TSPAN17: variants seen among roughly 807,000 people sequenced by gnomAD.
TSPAN17 encodes tetraspanin-17.
A neutral mutation model predicts 40.5 loss-of-function variants in TSPAN17; 33 were observed. The observed-to-expected ratio is 0.81, with a 90% confidence interval of 0.62 to 1.09. TSPAN17 has a LOEUF of 1.09. Ranked by LOEUF, TSPAN17 falls within the 50% of genes least tolerant of loss-of-function variation. TSPAN17 has a pLI of 0.00. For synonymous variants in TSPAN17, 166 were observed against 169.4 expected (o/e 0.98, Z 0.15); for missense variants, 365 against 416.8 (o/e 0.88, Z 1.08).
chr5:176,655,434 G>A (rs935059037), intron 5 of TSPAN17, among the ~76,000 whole-genome samples: 3 of 152,200 alleles, frequency 2.0e-5, no homozygotes, highest in African/African-American at 7.2e-5. Flanking sequence ...CCGTTGCAGG[G>A]TAGCAGGGAG....
At chr5:176,655,091 G>A (rs1581197617) in intron 5 of TSPAN17, 71 bp downstream of exon 5, 6 of 1,518,334 alleles carry the variant, frequency 4.0e-6, no homozygotes, top group Non-Finnish European at 5.3e-6. Context: ...CTCCCACAGG[G>A]CCCCGCTCCG....
In TSPAN17 at chr5:176,651,945, C is replaced by T. The variant is rs1374867072; in HGVS notation, c.285+45C>T. The stretch of plus-strand genomic sequence containing the variant: ...TCCCCTGGGAACCCCCATCTCCTCC[C>T]ATCCAGTTCTTGCAATACAGTTGGA... On this transcript the variant is annotated intron_variant, in intron 3 of 8. Coordinates refer to ENST00000508164, the MANE Select transcript of TSPAN17 (RefSeq NM_130465.5). This position sits in a 1 kb window ranked among gnomAD's most constrained non-coding sequence, Gnocchi z 4.5. 1 of 1,609,592 alleles carries T rather than the reference C, an allele frequency of 6.2e-7. No individual in the cohort carries two copies. The highest frequency in any genetic ancestry group is 1.7e-5 in the Admixed American group (1 of 59,856).
chr5:176,654,906 C>T lies in TSPAN17; in HGVS notation c.468C>T (p.Cys156=), dbSNP rs11267007. 388,048 of 1,613,100 alleles carry T rather than the reference C, an allele frequency of 0.24. 49,706 individuals are homozygous for T. The highest frequency in any genetic ancestry group is 0.43 in the East Asian group (19,250 of 44,810). ...IDFAQEYWSC[C]GARGPNDWNL... ...CCCTGCCCCCACAGTGGTCTTGCTG[C>T]GGAGCCCGAGGCCCCAATGACTGGA... Residue 156 remains cysteine (C), a synonymous_variant, in exon 5 of 9, where the codon TGC becomes TGT. Coordinates refer to ENST00000508164, the MANE Select transcript of TSPAN17 (RefSeq NM_130465.5). This position sits in a 1 kb window ranked among gnomAD's most constrained non-coding sequence, Gnocchi z 4.3.
In TSPAN17 at chr5:176,651,130, G is replaced by T. The variant is rs770533266; in HGVS notation, c.88-486G>T. Among the ~76,000 whole-genome samples the T allele has an allele frequency of 6.6e-6, 1 of 152,178 alleles. No homozygotes were observed. The highest frequency in any genetic ancestry group is 2.4e-5 in the African/African-American group (1 of 41,440). ...GACTCTGGCAGGCGGAGGTTAAAGG[G>T]GTAGGATGGGGCTGGGCTGGGGAGG... On this transcript the variant is annotated intron_variant, in intron 1 of 8. Transcript: ENST00000508164. The surrounding 1 kb of genome is among the most constrained non-coding windows in gnomAD (Gnocchi z 4.5).
intron 8 of TSPAN17, chr5:176,657,246 G>T (rs1441743556): frequency 4.7e-6 from 3 of 642,434 alleles, no homozygotes; most frequent in African/African-American, 3.7e-5. Context: ...CTCTCCAGGG[G>T]ACTAGGAAGG....
chr5:176,647,806 T>C, intron 1 of TSPAN17, 104 bp downstream of exon 1: 1 of 1,127,190 alleles, frequency 8.9e-7, no homozygotes, highest in Non-Finnish European at 1.2e-6. Flanking sequence ...AGTTTGGAGC[T>C]CGGGACCATC....
At position 176,656,079 on chromosome 5, in the gene TSPAN17, A is replaced by G; in HGVS notation, c.584A>G (p.Glu195Gly). ...ACTAACTGGCCTGTCTCCCCTCAGG[A>G]GGATGTCCTCAACACCCAGTGTGGC... ...PFSCCVRDPA[E>G]DVLNTQCGYD... Residue 195 changes from glutamate (E) to glycine (G), a missense_variant and splice_region_variant, in exon 6 of 9, where the codon GAG (glutamate) becomes GGG (glycine). Transcript: ENST00000508164. 1 of 1,614,076 alleles carries G rather than the reference A, an allele frequency of 6.2e-7. No homozygotes were observed. Among genetic ancestry groups the G allele is most frequent in the Non-Finnish European group, 8.5e-7 (1 of 1,179,992 alleles).
intron 3 of TSPAN17, 113 bp downstream of exon 3, chr5:176,652,013 C>T (rs987638025): frequency 5.0e-6 from 7 of 1,406,580 alleles, no homozygotes; most frequent in East Asian, 4.6e-5. Context: ...TAATCGTCAT[C>T]GTTAGATTCA....
chr5:176,651,520 C>G lies in TSPAN17; in HGVS notation c.88-96C>G, dbSNP rs748394834. The G allele has an allele frequency of 7.2e-4, 981 of 1,364,292 alleles. 2 individuals are homozygous for G. The highest frequency in any genetic ancestry group is 9.3e-4 in the Non-Finnish European group (941 of 1,011,610). The allele number at this position is 1,364,292 out of a possible 1,614,324, so 84.5% of individuals were successfully genotyped here. On this transcript the variant is annotated intron_variant, in intron 1 of 8. Coordinates refer to ENST00000508164, the MANE Select transcript of TSPAN17 (RefSeq NM_130465.5). This position sits in a 1 kb window ranked among gnomAD's most constrained non-coding sequence, Gnocchi z 4.5. ...GTTCACAGCCCTTGTGCCTCTTCCT[C>G]TCTCCGCTGGAAAGGCCCTGGCTAC... is the stretch of plus-strand genomic sequence containing the variant.
Position 176,657,717 on chromosome 5 carries a change from G to C in TSPAN17, c.*19G>C, listed in dbSNP as rs1164100483. The C allele has an allele frequency of 6.5e-7, 1 of 1,544,756 alleles. No homozygotes were observed. Among genetic ancestry groups the C allele is most frequent in the Non-Finnish European group, 8.7e-7 (1 of 1,150,122 alleles). ...TTGGTAGATTTCACATAAAAGTCCA[G>C]ATCCACAGCTTCTCTTGAAGAATGA... On this transcript the variant is annotated 3_prime_UTR_variant, in exon 9 of 9. Transcript: ENST00000508164.
rs1761089558 is a variant in TSPAN17 at position 176,654,850 on chromosome 5, C to T, written c.457-45C>T. The T allele has an allele frequency of 6.2e-7, 1 of 1,607,608 alleles. No homozygotes were observed. The highest frequency in any genetic ancestry group is 8.5e-7 in the Non-Finnish European group (1 of 1,176,846). Reference sequence around the variant, plus strand: ...CTTGTTCCCAAACAGGGTGAGGCTCCTGGGATGGGCCTGGCTCACCTGGGG... The same window carrying T: ...CTTGTTCCCAAACAGGGTGAGGCTCTTGGGATGGGCCTGGCTCACCTGGGG... On this transcript the variant is annotated intron_variant, in intron 4 of 8. Coordinates refer to ENST00000508164, the MANE Select transcript of TSPAN17 (RefSeq NM_130465.5). This position sits in a 1 kb window ranked among gnomAD's most constrained non-coding sequence, Gnocchi z 4.3.
intron 8 of TSPAN17, 72 bp downstream of exon 8, chr5:176,657,028 T>A (rs1761184875): frequency 6.8e-7 from 1 of 1,466,014 alleles, no homozygotes; most frequent in Admixed American, 2.0e-5. Context: ...AGGACCCTCC[T>A]ACTATACTCC....
rs1013592405 is a variant in TSPAN17 at position 176,658,225 on chromosome 5, G to C, written c.*527G>C. On this transcript the variant is annotated 3_prime_UTR_variant, in exon 9 of 9. Coordinates refer to ENST00000508164, the MANE Select transcript of TSPAN17 (RefSeq NM_130465.5). ...AGGGCATGCCAGCCCCACACTCCCT[G>C]GGTCTGGCTTCCTCCCGCAACCTCA... 4 of 152,564 alleles carry C rather than the reference G, an allele frequency of 2.6e-5. No individual in the cohort carries two copies. Among genetic ancestry groups the C allele is most frequent in the Non-Finnish European group, 5.9e-5 (4 of 68,332 alleles). 9.5% of individuals were successfully genotyped at this position (152,564 alleles called of 1,614,324 possible).
chr5:176,656,724 C>A lies in TSPAN17; in HGVS notation c.655C>A (p.His219Asn). ...KLELEQQGFI[H>N]TKGCVGQFEK... The stretch of plus-strand genomic sequence containing the variant: ...GGAGCTGGAGCAGCAGGGCTTCATC[C>A]ACACCAAAGGCTGCGTGGGCCAGTT... Residue 219 changes from histidine to asparagine, a missense_variant, in exon 7 of 9, where the codon CAC becomes AAC. Coordinates refer to ENST00000508164, the MANE Select transcript of TSPAN17 (RefSeq NM_130465.5). The A allele has an allele frequency of 3.1e-6, 5 of 1,614,146 alleles. No individual in the cohort carries two copies. The highest frequency in any genetic ancestry group is 2.5e-6 in the Non-Finnish European group (3 of 1,180,000).
At chr5:176,657,033 T>G in intron 8 of TSPAN17, 77 bp downstream of exon 8, 5 of 1,412,134 alleles carry the variant, frequency 3.5e-6, no homozygotes, top group Non-Finnish European at 4.8e-6. Context: ...CCTCCTACTA[T>G]ACTCCTGACG....
intron 1 of TSPAN17, among the ~76,000 whole-genome samples, chr5:176,649,719 G>A (rs553876471): frequency 1.3e-5 from 2 of 152,166 alleles, no homozygotes; most frequent in Admixed American, 1.3e-4. Flanking sequence ...GAGCCACCAC[G>A]CCCGGCCATC....
Position 176,651,723 on chromosome 5 carries a change from T to C in TSPAN17, c.139-31T>C, listed in dbSNP as rs1476753747. On this transcript the variant is annotated intron_variant, in intron 2 of 8. Transcript: ENST00000508164. The surrounding 1 kb of genome is among the most constrained non-coding windows in gnomAD (Gnocchi z 4.5). ...GGGACGAGGTGGTGGGAAGGTCAGCTCCCCACACCTGCCTCTGCTGCCCGG... is the reference window on the plus strand; with the variant it reads ...GGGACGAGGTGGTGGGAAGGTCAGCCCCCCACACCTGCCTCTGCTGCCCGG... The C allele has an allele frequency of 5.0e-6, 8 of 1,613,900 alleles. No homozygotes were observed. The highest frequency in any genetic ancestry group is 6.8e-6 in the Non-Finnish European group (8 of 1,179,856).
In TSPAN17 at chr5:176,658,047, A is replaced by AG. The variant is rs1761226017; in HGVS notation, c.*353dup. 1 of 169,578 alleles carries AG rather than the reference A, an allele frequency of 5.9e-6. No individual in the cohort carries two copies. Among genetic ancestry groups the AG allele is most frequent in the Non-Finnish European group, 1.2e-5 (1 of 80,856 alleles). 10.5% of individuals were successfully genotyped at this position (169,578 alleles called of 1,614,324 possible). A position where few individuals can be genotyped will look rare whatever the true frequency, so the allele number is the denominator to read the frequency against. On this transcript the variant is annotated 3_prime_UTR_variant, in exon 9 of 9. Transcript: ENST00000508164. Reference sequence around the variant, plus strand: ...AGTAGAGTGCCCAGGAGAGGGTCTGAGGGGTGGGATGGGGGTCAGGACAAT... The same window carrying AG: ...AGTAGAGTGCCCAGGAGAGGGTCTGAGGGGGTGGGATGGGGGTCAGGACAAT...
rs1761026247 is a variant in TSPAN17 at position 176,652,919 on chromosome 5, T to G, written c.456+6T>G. 3.1e-6 allele frequency: 5 copies of G among 1,613,792 alleles called. No homozygotes were observed. In the South Asian group the frequency reaches 5.5e-5, roughly 18 times the overall value. On this transcript the variant is annotated splice_donor_region_variant and intron_variant, in intron 4 of 8. Transcript: ENST00000508164. The stretch of plus-strand genomic sequence containing the variant: ...TTGACTTTGCTCAGGAATACGTGAG[T>G]CCAGTGTCCAGCCTGGGACACCTGT...
Sources: allele counts gnomAD v4.1 joint callset (sites outside exome capture counted in the v4.1 genomes callset), GRCh38; gene constraint gnomAD v4.1.1; non-coding constraint Gnocchi (gnomAD v3.1); transcripts MANE v1.5; gene names NCBI Gene and HGNC (gene_info 2026-07-23, HGNC 2026-07-21).